SKIC8: variants seen among roughly 807,000 people sequenced by gnomAD.
SKIC8 encodes the protein SKI8 subunit of superkiller complex, also known as superkiller complex protein 8.
chr15:78,289,827 A>G, the SKIC8 span: 1 of 1,532,240 alleles, frequency 6.5e-7, no homozygotes. Flanking sequence ...CTACTTGGCA[A>G]ACCACACCAG....
At chr15:78,292,531 G>A in the SKIC8 span, 29 of 1,564,132 alleles carry the variant, frequency 1.9e-5, no homozygotes, top group Admixed American at 3.5e-5. Flanking sequence ...AAAAAATTCT[G>A]AGCTGTAAAA....
At chr15:78,293,392 G>A in the SKIC8 span, 1 of 976,134 alleles carries the variant, frequency 1.0e-6, no homozygotes. Flanking sequence ...TTTACAAAGT[G>A]CTTTCCTATA....
chr15:78,287,955 C>T, the SKIC8 span, among the ~76,000 whole-genome samples: 1 of 152,108 alleles, frequency 6.6e-6, no homozygotes, highest in African/African-American at 2.4e-5. Flanking sequence ...TCCCCAGGGG[C>T]CAGCTACAGC....
the SKIC8 span, chr15:78,289,015 C>T: frequency 2.4e-6 from 1 of 412,132 alleles, no homozygotes; most frequent in African/African-American, 2.1e-5. Flanking sequence ...TATATTAACA[C>T]ACACATACAT....
At chr15:78,284,498 T>G in the SKIC8 span, 1 of 152,220 alleles carries the variant, frequency 6.6e-6, no homozygotes. Flanking sequence ...GACATTTTAT[T>G]TTTTATGCTC....
the SKIC8 span, chr15:78,293,123 GC>G: frequency 2.8e-5 from 43 of 1,560,134 alleles, no homozygotes; most frequent in African/African-American, 5.2e-4. Context: ...CAAAACCTCA[GC>G]CCCCAATTTT....
chr15:78,292,118 A>T, the SKIC8 span: 1 of 154,738 alleles, frequency 6.5e-6, no homozygotes, highest in Non-Finnish European at 1.4e-5. Context: ...CACACCCTTT[A>T]ATCAAAATTA....
chr15:78,299,286 A>G, the SKIC8 span, among the ~76,000 whole-genome samples: 1 of 152,192 alleles, frequency 6.6e-6, no homozygotes, highest in Non-Finnish European at 1.5e-5. Context: ...CTCCGCAGAG[A>G]AACCAGCCCT....
chr15:78,293,812 G>A, the SKIC8 span, among the ~76,000 whole-genome samples: 2 of 152,166 alleles, frequency 1.3e-5, no homozygotes. Flanking sequence ...TATGAAGTGG[G>A]TACTATTAAT....
chr15:78,284,083 A>C, the SKIC8 span: 1 of 152,046 alleles, frequency 6.6e-6, no homozygotes, highest in East Asian at 1.9e-4. Context: ...ACTGATTCAC[A>C]CCTCCTTCCC....
chr15:78,298,411 C>T, the SKIC8 span, among the ~76,000 whole-genome samples: 1 of 152,178 alleles, frequency 6.6e-6, no homozygotes, highest in Admixed American at 6.5e-5. Flanking sequence ...TTACTAGGTA[C>T]AGTAGTTCTT....
the SKIC8 span, among the ~76,000 whole-genome samples, chr15:78,288,622 C>T: frequency 6.6e-6 from 1 of 152,176 alleles, no homozygotes; most frequent in Non-Finnish European, 1.5e-5. Flanking sequence ...CCTCAGCATA[C>T]ATTGCTTTAA....
the SKIC8 span, chr15:78,284,940 A>G: frequency 3.4e-6 from 1 of 297,156 alleles, no homozygotes; most frequent in Non-Finnish European, 6.3e-6. Context: ...ATGGCGCAGC[A>G]GCCCCCAGGA....
At chr15:78,289,188 G>C in the SKIC8 span, among the ~76,000 whole-genome samples, 1 of 152,126 alleles carries the variant, frequency 6.6e-6, no homozygotes, top group Non-Finnish European at 1.5e-5. Context: ...GCCAAAGCAG[G>C]AAGAAATCTT....
At chr15:78,294,975 TA>T in the SKIC8 span, 2 of 1,614,048 alleles carry the variant, frequency 1.2e-6, no homozygotes, top group Admixed American at 1.7e-5. Context: ...AATACCGTAC[TA>T]AAAAAGAACA....
At chr15:78,288,240 G>C in the SKIC8 span, 111 of 1,590,562 alleles carry the variant, frequency 7.0e-5, no homozygotes, top group Non-Finnish European at 9.0e-5. Context: ...AACAATAAAG[G>C]GACAAGATGG....
the SKIC8 span, chr15:78,294,995 A>G: frequency 6.2e-7 from 1 of 1,614,106 alleles, no homozygotes; most frequent in Non-Finnish European, 8.5e-7. Context: ...CAGAAGCCAC[A>G]TTAAACCCAT....
the SKIC8 span, chr15:78,286,048 C>A: frequency 6.2e-7 from 1 of 1,612,506 alleles, no homozygotes; most frequent in South Asian, 1.1e-5. Flanking sequence ...TACCTGGAAA[C>A]AAAGTGAGTG....
the SKIC8 span, among the ~76,000 whole-genome samples, chr15:78,287,997 T>G: frequency 6.6e-6 from 1 of 152,138 alleles, no homozygotes; most frequent in African/African-American, 2.4e-5. Flanking sequence ...TGTATATTAC[T>G]TACCTATCCC....
Sources: gnomAD v4.1 joint callset for allele counts (sites outside exome capture counted in the v4.1 genomes callset) on GRCh38, gnomAD v4.1.1 for gene constraint, MANE v1.5 for transcripts, NCBI Gene and HGNC (gene_info 2026-07-23, HGNC 2026-07-21) for gene names.